Variants in PDSS2 observed in about 807,000 individuals in gnomAD.
PDSS2 encodes the protein decaprenyl diphosphate synthase subunit 2.
In PDSS2, 31 loss-of-function variants were observed where a neutral mutation model predicts 44.5. The ratio of observed to expected loss-of-function variants is 0.70; its 90% confidence interval spans 0.52 to 0.94. The LOEUF is 0.94. Ranked by LOEUF, PDSS2 falls within the 40% of genes least tolerant of loss-of-function variation. The probability of loss-of-function intolerance (pLI) is 0.00; values close to 1 mark genes in which losing one functional copy is unlikely to be tolerated. For synonymous variants in PDSS2, 157 were observed against 180.3 expected (o/e 0.87, Z 1.03); for missense variants, 452 against 482.2 (o/e 0.94, Z 0.59).
chr6:107,247,474 C>A (rs1467166191), intron 3 of PDSS2, among the ~76,000 whole-genome samples: 1 of 152,150 alleles, frequency 6.6e-6, no homozygotes, highest in South Asian at 2.1e-4. Flanking sequence ...CCTGTACTTA[C>A]AAATGGCTAT....
chr6:107,180,040 C>CT (rs1483833251), intron 7 of PDSS2, among the ~76,000 whole-genome samples: 1 of 152,216 alleles, frequency 6.6e-6, no homozygotes, highest in African/African-American at 2.4e-5. Context: ...AGGTGCCTCT[C>CT]TTTTCACTCA....
chr6:107,173,137 AAGAT>A (rs1771646408), intron 7 of PDSS2, among the ~76,000 whole-genome samples: 5 of 151,770 alleles, frequency 3.3e-5, no homozygotes, highest in Middle Eastern at 3.4e-3. Flanking sequence ...AAAAAAAAAA[AAGAT>A]AGAGTAACTT....
At chr6:107,446,931 GC>G (rs1781701781) in intron 1 of PDSS2, among the ~76,000 whole-genome samples, 1 of 151,918 alleles carries the variant, frequency 6.6e-6, no homozygotes, top group South Asian at 2.1e-4. Flanking sequence ...CAGTCATGAT[GC>G]CCTTCCAAAA....
chr6:107,176,737 C>CTGTATATGTA (rs770959064), intron 7 of PDSS2, among the ~76,000 whole-genome samples: 1 of 152,080 alleles, frequency 6.6e-6, no homozygotes, highest in Admixed American at 6.6e-5. Context: ...AACCATACTA[C>CTGTATATGTA]TGTATATGTA....
At chr6:107,366,535 G>T (rs1778965329) in intron 1 of PDSS2, among the ~76,000 whole-genome samples, 1 of 151,458 alleles carries the variant, frequency 6.6e-6, no homozygotes, top group Admixed American at 6.6e-5. Context: ...CAATAAAACA[G>T]AAAAAAGAAA....
intron 6 of PDSS2, among the ~76,000 whole-genome samples, chr6:107,198,680 G>A (rs889029733): frequency 6.6e-6 from 1 of 152,080 alleles, no homozygotes; most frequent in Non-Finnish European, 1.5e-5. Flanking sequence ...TACTGACCAG[G>A]CACGGTGGCT....
At position 107,256,527 on chromosome 6, in the gene PDSS2, C is replaced by T. The variant is rs117787206; in HGVS notation, c.631-10908G>A. On this transcript the variant is annotated intron_variant, in intron 3 of 7. Transcript: ENST00000369037. ...ATTCAGAGACATCCCAAGGTTTGTA[C>T]TCTAAAGGCAGGCACAGAAATAAAA... 8.5e-5 allele frequency among the ~76,000 whole-genome samples: 13 copies of T among 152,252 alleles called. No individual in the cohort carries two copies. In the East Asian group the frequency reaches 2.1e-3, roughly 25 times the overall value.
chr6:107,169,533 C>T (rs1469113220), intron 7 of PDSS2, among the ~76,000 whole-genome samples: 1 of 152,118 alleles, frequency 6.6e-6, no homozygotes, highest in Non-Finnish European at 1.5e-5. Context: ...AGATGCATTC[C>T]TTTGGAGGGG....
chr6:107,302,717 C>G, intron 2 of PDSS2, among the ~76,000 whole-genome samples: 1 of 151,730 alleles, frequency 6.6e-6, no homozygotes, highest in East Asian at 1.9e-4. Flanking sequence ...TGAGAGTATG[C>G]TCTTCCTGTA....
At chr6:107,447,263 G>A (rs888656897) in intron 1 of PDSS2, among the ~76,000 whole-genome samples, 1 of 152,128 alleles carries the variant, frequency 6.6e-6, no homozygotes, top group Non-Finnish European at 1.5e-5. Context: ...GTGAACCCAG[G>A]AGGCAGAGCT....
intron 5 of PDSS2, among the ~76,000 whole-genome samples, chr6:107,210,859 G>A (rs888858354): frequency 6.6e-6 from 1 of 151,414 alleles, no homozygotes. Context: ...CAAAAATTGG[G>A]GGGGGTTTGC....
chr6:107,365,147 A>G (rs1044615850), intron 1 of PDSS2, among the ~76,000 whole-genome samples: 10 of 152,206 alleles, frequency 6.6e-5, no homozygotes, highest in African/African-American at 1.2e-4. Context: ...TCTTCTCTTA[A>G]ATTTTATAAA....
chr6:107,192,332 C>T (rs1261171659), intron 7 of PDSS2: 2 of 509,242 alleles, frequency 3.9e-6, no homozygotes, highest in Non-Finnish European at 7.9e-6. Context: ...AGAGAAAGGA[C>T]TTGACAGCCT....
chr6:107,290,227 G>C (rs557608780), intron 2 of PDSS2, among the ~76,000 whole-genome samples: 1 of 152,350 alleles, frequency 6.6e-6, no homozygotes, highest in East Asian at 1.9e-4. Flanking sequence ...GGAGTGAAAT[G>C]ATTAGAATGT....
chr6:107,266,433 C>A (rs1029095198), intron 3 of PDSS2, among the ~76,000 whole-genome samples: 2 of 151,018 alleles, frequency 1.3e-5, no homozygotes, highest in Non-Finnish European at 2.9e-5. Context: ...CTTCAATGAC[C>A]CTTTGAAGAA....
chr6:107,394,790 A>T (rs185140726), intron 1 of PDSS2, among the ~76,000 whole-genome samples: 1 of 152,254 alleles, frequency 6.6e-6, no homozygotes, highest in East Asian at 1.9e-4. Context: ...ATGTCCCACA[A>T]TATATTGCTG....
chr6:107,160,980 T>C (rs1771104595), intron 7 of PDSS2, among the ~76,000 whole-genome samples: 1 of 151,882 alleles, frequency 6.6e-6, no homozygotes, highest in Non-Finnish European at 1.5e-5. Context: ...TCAGGTGATC[T>C]GCCCACCTCG....
chr6:107,159,508 C>T (rs550301520), intron 7 of PDSS2, among the ~76,000 whole-genome samples: 1 of 151,496 alleles, frequency 6.6e-6, no homozygotes, highest in Non-Finnish European at 1.5e-5. Flanking sequence ...CCTCCGCCTC[C>T]CGGGTTCAAG....
intron 7 of PDSS2, among the ~76,000 whole-genome samples, chr6:107,161,376 A>C (rs1286110533): frequency 6.6e-6 from 1 of 151,102 alleles, no homozygotes; most frequent in Non-Finnish European, 1.5e-5. Context: ...GCTACTGTGG[A>C]GGCTGAGGCA....
Sources: gnomAD v4.1 joint callset for allele counts (sites outside exome capture counted in the v4.1 genomes callset) on GRCh38, gnomAD v4.1.1 for gene constraint, MANE v1.5 for transcripts, NCBI Gene and HGNC (gene_info 2026-07-23, HGNC 2026-07-21) for gene names.